The following TTN variants were observed in gnomAD, a reference collection of about 807,000 sequenced individuals.
The protein encoded by TTN is connectin.
Under a neutral mutation model 3,223.0 loss-of-function variants are expected in TTN, and 1,525 were observed. The observed-to-expected ratio is 0.47, with a 90% confidence interval of 0.45 to 0.49. The LOEUF (loss-of-function observed/expected upper bound fraction) is 0.49, where lower values mean the gene tolerates loss of function less well. Among genes scored for constraint, TTN ranks in the 20% least tolerant of loss-of-function variants. The pLI is 0.00. For missense variants in TTN, 40,786 were observed against 43,424.0 expected, an observed-to-expected ratio of 0.94 and a Z score of 5.40; for synonymous variants, 14,094 against 15,161.0, an observed-to-expected ratio of 0.93 and a Z score of 5.17.
chr2:178,673,179 A>G (rs1052563058), intron 152 of TTN, among the ~76,000 whole-genome samples: 5 of 151,864 alleles, frequency 3.3e-5, no homozygotes, highest in Non-Finnish European at 7.4e-5. Flanking sequence ...ACATTTTGTA[A>G]TAACCTTGAA....
intron 40 of TTN, among the ~76,000 whole-genome samples, chr2:178,767,214 T>C (rs2154341146): frequency 6.6e-6 from 1 of 152,346 alleles, no homozygotes; most frequent in South Asian, 2.1e-4. Context: ...TCCTCCATTA[T>C]ATCATTTGGG....
chr2:178,788,412 G>A (rs942383909), intron 13 of TTN, among the ~76,000 whole-genome samples: 1 of 152,174 alleles, frequency 6.6e-6, no homozygotes, highest in Middle Eastern at 3.4e-3. Context: ...GAAGTATGTT[G>A]CATAGTGGAA....
At chr2:178,742,843 A>G (rs2154320360) in intron 47 of TTN, 1 of 152,224 alleles carries the variant, frequency 6.6e-6, no homozygotes, top group South Asian at 2.1e-4. Flanking sequence ...CTTGCATCAC[A>G]TGAAATAGAC....
chr2:178,768,549 G>T (rs2090932383), intron 38 of TTN, 124 bp downstream of exon 38: 3 of 1,392,094 alleles, frequency 2.2e-6, no homozygotes, highest in Non-Finnish European at 2.0e-6. Flanking sequence ...CCTTTTTATT[G>T]CTGAATGATA....
rs1197839427 is a variant in TTN, at chr2:178,615,700, T to C, written c.48401A>G (p.Lys16134Arg). The C allele has an allele frequency of 6.2e-7, 1 of 1,612,542 alleles. No homozygotes were observed. The highest frequency in any genetic ancestry group is 1.7e-5 in the Admixed American group (1 of 59,954). ...ATATGCAGGTTCTCCAGGGCCACAT[T>C]TGTTACGAGCACAAACTTTAAATAA... is the stretch of plus-strand genomic sequence containing the variant. ...EYLFKVCARN[K>R]CGPGEPAYVD... The change falls in exon 258 of 363, where the codon AAA becomes AGA. Residue 16134 changes from lysine (K) to arginine (R), a missense_variant. Physicochemically the swap from Lys to Arg is conservative, Grantham distance 26 (BLOSUM62 2). Coordinates refer to ENST00000589042, the MANE Select transcript of TTN (RefSeq NM_001267550.2).
chr2:178,682,605 CA>C, intron 135 of TTN, 91 bp downstream of exon 135: 1 of 1,259,330 alleles, frequency 7.9e-7, no homozygotes, highest in Non-Finnish European at 1.1e-6. Flanking sequence ...TTTGGGTATC[CA>C]AATTTTTATC....
Position 178,615,394 on chromosome 2 carries a change from C to A in TTN, c.48551G>T (p.Gly16184Val). Reference sequence around the variant, plus strand: ...AACTATATATCCTTTGATGCGTGAACCACCATCATTTTTAGGTGGATCCCA... The same window carrying A: ...AACTATATATCCTTTGATGCGTGAAACACCATCATTTTTAGGTGGATCCCA... ...LTWDPPKNDGGSRIKGYIVER... is the reference protein window; with the variant it reads ...LTWDPPKNDGVSRIKGYIVER... The change falls in exon 259 of 363, where the codon GGT becomes GTT. Residue 16184 changes from glycine (G) to valine (V), a missense_variant. Gly to Val is a moderately radical substitution (Grantham distance 109, BLOSUM62 -3). Coordinates refer to ENST00000589042, the MANE Select transcript of TTN (RefSeq NM_001267550.2). 1 of 1,612,612 alleles carries A rather than the reference C, an allele frequency of 6.2e-7. No individual in the cohort carries two copies. The highest frequency in any genetic ancestry group is 1.1e-5 in the South Asian group (1 of 91,022).
rs1575714442 is a variant in TTN, at chr2:178,568,884, G to A, written c.77248C>T (p.Arg25750Ter). Residue 25750 changes from arginine to a stop codon, truncating the protein, a stop_gained, in exon 326 of 363, where the codon CGA (arginine) becomes TGA (stop). Transcript: ENST00000589042. LOFTEE classifies it high-confidence loss of function. ...ATTACTGCCTGAAGAGACTTTACTC[G>A]AGCACACTCTGACCATTTCTCACTG... ...KHSEKWSECA[R>*]VKSLQAVITN... 2 of 1,612,974 alleles carry A rather than the reference G, an allele frequency of 1.2e-6. No individual in the cohort carries two copies. Among genetic ancestry groups the A allele is most frequent in the Non-Finnish European group, 1.7e-6 (2 of 1,179,520 alleles).
chr2:178,804,754 C>T (rs2094233929), intron 1 of TTN, 99 bp from the exon 2 acceptor site: 1 of 1,074,074 alleles, frequency 9.3e-7, no homozygotes, highest in African/African-American at 1.6e-5. Flanking sequence ...AAATGGATTG[C>T]TCCATAGGTC....
Position 178,561,404 on chromosome 2 carries a change from G to T in TTN, c.84728C>A (p.Ser28243Tyr). Residue 28243 changes from serine (S) to tyrosine (Y), a missense_variant, in exon 326 of 363, where the codon TCT becomes TAT. Transcript: ENST00000589042. ...ATCTCTTGCAGGGACTGGTTCACAA[G>T]ATTTACTGCATTTACCAATTCCAGC... ...NIAGIGKCSK[S>Y]CEPVPARDPC... is the part of the protein sequence containing the mutation. The T allele has an allele frequency of 6.2e-7, 1 of 1,613,728 alleles. No individual in the cohort carries two copies. Among genetic ancestry groups the T allele is most frequent in the Non-Finnish European group, 8.5e-7 (1 of 1,179,778 alleles).
chr2:178,759,105 T>C lies in TTN; in HGVS notation c.10182A>G (p.Gln3394=), dbSNP rs797046059. The C allele has an allele frequency of 2.5e-6, 4 of 1,613,928 alleles. No homozygotes were observed. The highest frequency in any genetic ancestry group is 1.7e-5 in the Admixed American group (1 of 59,992). The change falls in exon 44 of 363, where the codon CAA becomes CAG. Residue 3394 remains glutamine (Q), a synonymous_variant. Transcript: ENST00000589042. ...TTTCCAGTTGATAAGTGTCTTCAAA[T>C]TGAGTCATTCTAAAGAACCGAGATG... ...IKPSRFFRMT[Q]FEDTYQLEIA... is the part of the protein sequence containing the mutation.
rs768131129 is a variant in TTN at position 178,576,281 on chromosome 2, T to A, written c.69851A>T (p.Asp23284Val). 1.9e-6 allele frequency: 3 copies of A among 1,603,560 alleles called. No individual in the cohort carries two copies. The highest frequency in any genetic ancestry group is 2.6e-6 in the Non-Finnish European group (3 of 1,175,652). Residue 23284 changes from aspartate to valine, a missense_variant, in exon 326 of 363, where the codon GAC (aspartate) becomes GTC (valine). Asp to Val is a radical substitution (Grantham distance 152). Coordinates refer to ENST00000589042, the MANE Select transcript of TTN (RefSeq NM_001267550.2). The surrounding 1 kb of genome is among the most constrained non-coding windows in gnomAD (Gnocchi z 4.3). ...GYVVEHQKVG[D>V]EAWIKDTTGT... ...TGTGGTATCTTTTATCCAGGCCTCG[T>A]CTCCTACTTTTTGATGCTCCACGAC... is the stretch of plus-strand genomic sequence containing the variant.
chr2:178,775,988 A>G lies in TTN; in HGVS notation c.5876T>C (p.Phe1959Ser). The G allele has an allele frequency of 6.2e-7, 1 of 1,614,108 alleles. No homozygotes were observed. The highest frequency in any genetic ancestry group is 8.5e-7 in the Non-Finnish European group (1 of 1,179,992). The part of the protein sequence containing the change: ...FHVHEPGKLQ[F>S]EVQKVDRPVD... ...AGGTCTATCCACTTTTTGTACTTCA[A>G]ACTGAAGCTTTCCTGGTTCATGTAC... is the stretch of plus-strand genomic sequence containing the variant. Residue 1959 changes from phenylalanine (F) to serine (S), a missense_variant, in exon 28 of 363, where the codon TTT (phenylalanine) becomes TCT (serine). Transcript: ENST00000589042.
chr2:178,613,736 G>A lies in TTN; in HGVS notation c.49532+15C>T. 6.2e-7 allele frequency: 1 copy of A among 1,608,204 alleles called. No homozygotes were observed. Among genetic ancestry groups the A allele is most frequent in the Non-Finnish European group, 8.5e-7 (1 of 1,177,250 alleles). On this transcript the variant is annotated intron_variant, in intron 263 of 362. Coordinates refer to ENST00000589042, the MANE Select transcript of TTN (RefSeq NM_001267550.2). ...TACTGCTGTCTTAACATCTTGATGG[G>A]GATTCTGAGCATACCTGTATGTTGT...
In TTN at chr2:178,764,210, G is replaced by T; in HGVS notation, c.10081C>A (p.Pro3361Thr). 6.2e-7 allele frequency: 1 copy of T among 1,614,072 alleles called. No individual in the cohort carries two copies. The highest frequency in any genetic ancestry group is 1.7e-5 in the Admixed American group (1 of 60,016). ...LQDTVTSEGQ[P>T]ARFQCRVSGT... ...GAAACCCGGCATTGAAAACGGGCTG[G>T]CTGCCCTTCAGAAGTGACAGTGTCC... is the stretch of plus-strand genomic sequence containing the variant. Residue 3361 changes from proline (P) to threonine (T), a missense_variant, in exon 43 of 363, where the codon CCA becomes ACA. Transcript: ENST00000589042.
At chr2:178,746,799 C>T (rs147408594) in intron 47 of TTN, 1 of 1,613,186 alleles carries the variant, frequency 6.2e-7, no homozygotes, top group Non-Finnish European at 8.5e-7. Flanking sequence ...ACAATGAAGC[C>T]TAGTGTTGTG....
At chr2:178,616,445 T>A (rs1226026763) in intron 257 of TTN, 34 bp downstream of exon 257, 4 of 1,606,022 alleles carry the variant, frequency 2.5e-6, no homozygotes, top group Non-Finnish European at 3.4e-6. Context: ...CTACTCTCAT[T>A]TTTGGCATTG....
Position 178,577,839 on chromosome 2 carries a change from T to A in TTN, c.68587A>T (p.Thr22863Ser). The stretch of plus-strand genomic sequence containing the variant: ...TGACCACCGTCATATTTAGGTTCAG[T>A]CCAAATGAGAGTCACTGAATTCCTT... ...ITRNSVTLIW[T>S]EPKYDGGHKL... The change falls in exon 323 of 363, where the codon ACT becomes TCT. Residue 22863 changes from threonine to serine, a missense_variant. Coordinates refer to ENST00000589042, the MANE Select transcript of TTN (RefSeq NM_001267550.2). The A allele has an allele frequency of 4.4e-6, 7 of 1,605,296 alleles. No individual in the cohort carries two copies. The highest frequency in any genetic ancestry group is 6.0e-6 in the Non-Finnish European group (7 of 1,175,192).
Position 178,790,691 on chromosome 2 carries a change from T to C in TTN, c.1800+17A>G, listed in dbSNP as rs1048882977. 18 of 1,613,954 alleles carry C rather than the reference T, an allele frequency of 1.1e-5. No individual in the cohort carries two copies. Among genetic ancestry groups the C allele is most frequent in the Non-Finnish European group, 1.1e-5 (13 of 1,179,958 alleles). On this transcript the variant is annotated intron_variant, in intron 11 of 362. Transcript: ENST00000589042. ...AATGGTGCAAGAGTGACTTTCACATTGGCAGGAAGTCATCACCTTTTCATA... is the reference window on the plus strand; with the variant it reads ...AATGGTGCAAGAGTGACTTTCACATCGGCAGGAAGTCATCACCTTTTCATA...
Sources: allele counts gnomAD v4.1 joint callset (sites outside exome capture counted in the v4.1 genomes callset), GRCh38; gene constraint gnomAD v4.1.1; non-coding constraint Gnocchi (gnomAD v3.1); transcripts MANE v1.5; gene names NCBI Gene and HGNC (gene_info 2026-07-23, HGNC 2026-07-21).